SLC35F1: variants seen among roughly 807,000 people sequenced by gnomAD.
SLC35F1 encodes solute carrier family 35 member F1.
Under a neutral mutation model 48.7 loss-of-function variants are expected in SLC35F1, and 14 were observed. That is an observed-to-expected ratio of 0.29 (90% confidence interval 0.19 to 0.45). The LOEUF (loss-of-function observed/expected upper bound fraction) is 0.45, where lower values mean the gene tolerates loss of function less well. Ranked by LOEUF, SLC35F1 falls within the 20% of genes least tolerant of loss-of-function variation. The probability of loss-of-function intolerance (pLI) is 1.00; values close to 1 mark genes in which losing one functional copy is unlikely to be tolerated. For synonymous variants in SLC35F1, 190 were observed against 202.2 expected (o/e 0.94, Z 0.51); for missense variants, 404 against 500.0 (o/e 0.81, Z 1.83).
chr6:117,940,447 G>A (rs187685494), intron 1 of SLC35F1, among the ~76,000 whole-genome samples: 7 of 152,170 alleles, frequency 4.6e-5, no homozygotes, highest in East Asian at 3.9e-4. Flanking sequence ...CATAACTGAC[G>A]TATAAAAATA....
chr6:117,980,830 A>G (rs1264774544), intron 1 of SLC35F1, among the ~76,000 whole-genome samples: 2 of 152,218 alleles, frequency 1.3e-5, no homozygotes, highest in Non-Finnish European at 2.9e-5. Flanking sequence ...GGAGGAGTTC[A>G]ACAGCTAGGC....
intron 1 of SLC35F1, among the ~76,000 whole-genome samples, chr6:117,908,405 AG>A (rs994229269): frequency 3.9e-5 from 6 of 152,216 alleles, no homozygotes; most frequent in Non-Finnish European, 8.8e-5. Flanking sequence ...GCGACAGCCT[AG>A]CAGGCGGAGG....
At chr6:118,295,164 G>A (rs1776168709) in intron 7 of SLC35F1, among the ~76,000 whole-genome samples, 1 of 152,036 alleles carries the variant, frequency 6.6e-6, no homozygotes, top group African/African-American at 2.4e-5. Context: ...TTTTGTTGTG[G>A]TGGTTGTTAT....
In SLC35F1 at chr6:118,278,032, A is replaced by T. The variant is rs530109264; in HGVS notation, c.847+486A>T. ...AGAAGGGAGCAGTTTGCACGAAAGA[A>T]ATGGTTAATTGGTCTCCAAATGGAT... On this transcript the variant is annotated intron_variant, in intron 6 of 7. Coordinates refer to ENST00000360388, the MANE Select transcript of SLC35F1 (RefSeq NM_001029858.4). Among the ~76,000 whole-genome samples, 145 of 152,360 alleles carry T rather than the reference A, an allele frequency of 9.5e-4. 4 individuals are homozygous for T. In the South Asian group the frequency reaches 0.013, roughly 14 times the overall value.
At chr6:118,047,294 C>T (rs1772314968) in intron 1 of SLC35F1, among the ~76,000 whole-genome samples, 1 of 152,064 alleles carries the variant, frequency 6.6e-6, no homozygotes, top group African/African-American at 2.4e-5. Flanking sequence ...TTATAACCTC[C>T]TTTCCAAGTT....
At chr6:118,022,911 G>A (rs11756474) in intron 1 of SLC35F1, among the ~76,000 whole-genome samples, 7,639 of 151,936 alleles carry the variant, frequency 0.05, 229 homozygotes, top group Middle Eastern at 0.078. Flanking sequence ...CCACTACGCC[G>A]GGCTAATTCT....
chr6:118,047,735 G>A (rs1457230386), intron 1 of SLC35F1, among the ~76,000 whole-genome samples: 1 of 152,162 alleles, frequency 6.6e-6, no homozygotes, highest in Non-Finnish European at 1.5e-5. Flanking sequence ...CAATACACAA[G>A]ATGGTAACTG....
intron 1 of SLC35F1, among the ~76,000 whole-genome samples, chr6:117,987,832 G>GT (rs1562256387): frequency 6.6e-6 from 1 of 152,154 alleles, no homozygotes; most frequent in Non-Finnish European, 1.5e-5. Context: ...TATTTTATGT[G>GT]TTTTTTAAAT....
intron 4 of SLC35F1, among the ~76,000 whole-genome samples, chr6:118,269,528 A>C (rs1485751283): frequency 6.6e-6 from 1 of 152,132 alleles, no homozygotes; most frequent in Non-Finnish European, 1.5e-5. Context: ...GCAGCAATTT[A>C]AGCCATCACA....
chr6:117,966,131 G>GCCCCCCCCCCCCCCCCCCCCCCCCCCC lies in SLC35F1; in HGVS notation c.173+58243_173+58244insCCCCCCCCCCCCCCCCCCCCCCCCCCC, dbSNP rs35420310. ...AATAAGGGAATAAAAGCAGGCCACC[G>GCCCCCCCCCCCCCCCCCCCCCCCCCCC]CCCCCCCCCCCACTCCCGCCCCGCC... On this transcript the variant is annotated intron_variant, in intron 1 of 7. Transcript: ENST00000360388. Among the ~76,000 whole-genome samples the GCCCCCCCCCCCCCCCCCCCCCCCCCCC allele has an allele frequency of 5.9e-5, 6 of 101,168 alleles. 1 individual carries two copies. Among genetic ancestry groups the GCCCCCCCCCCCCCCCCCCCCCCCCCCC allele is most frequent in the Admixed American group, 1.8e-4 (2 of 10,824 alleles). 66.4% of individuals were successfully genotyped at this position (101,168 alleles called of 152,430 possible).
chr6:118,144,922 TCTTC>T (rs1441369726), intron 1 of SLC35F1, among the ~76,000 whole-genome samples: 1 of 152,126 alleles, frequency 6.6e-6, no homozygotes, highest in African/African-American at 2.4e-5. Context: ...TCTTTTATTC[TCTTC>T]CTTCCTTCTC....
At chr6:118,113,258 T>A (rs573787252) in intron 1 of SLC35F1, among the ~76,000 whole-genome samples, 1 of 152,220 alleles carries the variant, frequency 6.6e-6, no homozygotes, top group Non-Finnish European at 1.5e-5. Context: ...GGCTAATTTT[T>A]AAACTTTTTG....
chr6:118,301,174 G>T (rs944385934), intron 7 of SLC35F1, among the ~76,000 whole-genome samples: 2 of 152,158 alleles, frequency 1.3e-5, no homozygotes, highest in Non-Finnish European at 2.9e-5. Flanking sequence ...GGCACAGTAG[G>T]TGTTTGGTAA....
chr6:117,999,088 G>C (rs1018695500), intron 1 of SLC35F1: 3 of 1,543,982 alleles, frequency 1.9e-6, no homozygotes, highest in Non-Finnish European at 2.7e-6. Context: ...TGGACCCCAA[G>C]TTCCTGAGGA....
intron 1 of SLC35F1, among the ~76,000 whole-genome samples, chr6:118,000,286 T>A (rs1452754063): frequency 6.6e-6 from 1 of 152,080 alleles, no homozygotes; most frequent in African/African-American, 2.4e-5. Flanking sequence ...GATGCAAGGC[T>A]GGTTCAATAT....
At chr6:118,190,158 T>G (rs1774712932) in intron 2 of SLC35F1, among the ~76,000 whole-genome samples, 1 of 152,162 alleles carries the variant, frequency 6.6e-6, no homozygotes, top group Admixed American at 6.5e-5. Flanking sequence ...GATGCCACTA[T>G]TACCTTGTAA....
intron 1 of SLC35F1, among the ~76,000 whole-genome samples, chr6:117,924,493 CATATGT>C (rs1562239548): frequency 4.4e-5 from 1 of 22,940 alleles, no homozygotes; most frequent in African/African-American, 7.9e-5. Flanking sequence ...TACGTATATA[CATATGT>C]ATATACGTAT....
At chr6:118,132,461 T>G (rs1409366908) in intron 1 of SLC35F1, among the ~76,000 whole-genome samples, 1 of 152,184 alleles carries the variant, frequency 6.6e-6, no homozygotes, top group Non-Finnish European at 1.5e-5. Context: ...CTTGGGCAAG[T>G]TGCTAAACCA....
At position 118,093,315 on chromosome 6, in the gene SLC35F1, C is replaced by CA. The variant is rs920564957; in HGVS notation, c.174-61119dup. ...TGGGTGACAGAGCGAGACTCCATCT[C>CA]AAAAAAAAAAATTATAAATGTGAGG... On this transcript the variant is annotated intron_variant, in intron 1 of 7. Coordinates refer to ENST00000360388, the MANE Select transcript of SLC35F1 (RefSeq NM_001029858.4). Among the ~76,000 whole-genome samples the CA allele has an allele frequency of 5.3e-3, 768 of 144,842 alleles. 5 individuals are homozygous for CA. The highest frequency in any genetic ancestry group is 0.018 in the African/African-American group (709 of 39,536).
Sources: allele counts gnomAD v4.1 joint callset (sites outside exome capture counted in the v4.1 genomes callset), GRCh38; gene constraint gnomAD v4.1.1; transcripts MANE v1.5; gene names NCBI Gene and HGNC (gene_info 2026-07-23, HGNC 2026-07-21).